CEP85L: variants seen among roughly 807,000 people sequenced by gnomAD.
CEP85L encodes the protein centrosomal protein of 85 kDa-like.
In CEP85L, 60 loss-of-function variants were observed where a neutral mutation model predicts 100.3. That is an observed-to-expected ratio of 0.60 (90% CI 0.49 to 0.74). The LOEUF is 0.74. Among genes scored for constraint, CEP85L ranks in the 30% least tolerant of loss-of-function variants. CEP85L has a pLI of 0.00. For missense variants in CEP85L, 973 were observed against 936.2 expected (o/e 1.04, Z -0.51); for synonymous variants, 319 against 322.7 (o/e 0.99, Z 0.12).
rs1360705328 is a variant in CEP85L, at chr6:118,463,594, T to C, written c.*1811A>G. On this transcript the variant is annotated 3_prime_UTR_variant, in exon 13 of 13. Coordinates refer to ENST00000368491, the MANE Select transcript of CEP85L (RefSeq NM_001042475.3). ...AATGTTAAAAACCAAGTGAATATAA[T>C]TAGAAAGCCAAGTTCTTACCAGTGA... 1 of 151,992 alleles carries C rather than the reference T, an allele frequency of 6.6e-6. No homozygotes were observed. Among genetic ancestry groups the C allele is most frequent in the Admixed American group, 6.6e-5 (1 of 15,250 alleles). 9.4% of individuals were successfully genotyped at this position (151,992 alleles called of 1,614,324 possible).
chr6:118,569,104 G>T (rs1779718341), intron 2 of CEP85L, among the ~76,000 whole-genome samples: 1 of 151,842 alleles, frequency 6.6e-6, no homozygotes. Context: ...AATTTGGGAG[G>T]CCAAGGCAGG....
chr6:118,663,544 A>C (rs1776039050), intron 1 of CEP85L, among the ~76,000 whole-genome samples: 1 of 152,228 alleles, frequency 6.6e-6, no homozygotes, highest in African/African-American at 2.4e-5. Context: ...ATAATCATAG[A>C]AAAAGATTTA....
chr6:118,488,494 A>G (rs1196791655), intron 6 of CEP85L, among the ~76,000 whole-genome samples: 1 of 152,112 alleles, frequency 6.6e-6, no homozygotes, highest in Non-Finnish European at 1.5e-5. Flanking sequence ...CAGAGTAACA[A>G]AAAGAACAAG....
chr6:118,535,881 AATTT>A (rs1417806059), intron 3 of CEP85L, among the ~76,000 whole-genome samples: 2 of 152,138 alleles, frequency 1.3e-5, no homozygotes, highest in Non-Finnish European at 2.9e-5. Flanking sequence ...TTATAGATTT[AATTT>A]ATTAAAGGAC....
At chr6:118,538,414 A>AT (rs1777723892) in intron 3 of CEP85L, among the ~76,000 whole-genome samples, 1 of 151,962 alleles carries the variant, frequency 6.6e-6, no homozygotes, top group Non-Finnish European at 1.5e-5. Flanking sequence ...TATATATATA[A>AT]AAAACATCTT....
intron 2 of CEP85L, among the ~76,000 whole-genome samples, chr6:118,602,152 T>C (rs1781820390): frequency 6.6e-6 from 1 of 152,172 alleles, no homozygotes; most frequent in Non-Finnish European, 1.5e-5. Flanking sequence ...GGCAATGATA[T>C]TCCTGCCTAA....
chr6:118,530,597 T>C (rs1227745351), intron 3 of CEP85L, among the ~76,000 whole-genome samples: 1 of 152,170 alleles, frequency 6.6e-6, no homozygotes, highest in East Asian at 1.9e-4. Flanking sequence ...TTGCAGACTT[T>C]ATGATTCTAT....
At chr6:118,708,740 T>C (rs917706370) in intron 1 of CEP85L, among the ~76,000 whole-genome samples, 10 of 152,176 alleles carry the variant, frequency 6.6e-5, no homozygotes, top group Non-Finnish European at 1.5e-4. Context: ...CTATTTAAGA[T>C]TTTTCCTTGA....
intron 3 of CEP85L, among the ~76,000 whole-genome samples, chr6:118,553,670 A>G (rs1039405797): frequency 6.6e-6 from 1 of 152,238 alleles, no homozygotes; most frequent in Non-Finnish European, 1.5e-5. Flanking sequence ...ATTTGTTTCC[A>G]GAAACAAACT....
At chr6:118,508,626 A>T (rs1775795367) in intron 5 of CEP85L, among the ~76,000 whole-genome samples, 1 of 152,120 alleles carries the variant, frequency 6.6e-6, no homozygotes, top group Non-Finnish European at 1.5e-5. Context: ...AGGTTAGTCA[A>T]ATTTTTAATA....
In CEP85L at chr6:118,483,924, C is replaced by T. The variant is rs547643195; in HGVS notation, c.1438-66G>A. 42 of 1,427,294 alleles carry T rather than the reference C, an allele frequency of 2.9e-5. No homozygotes were observed. The African/African-American group carries it at 4.8e-4, about 16-fold the overall frequency. The allele number at this position is 1,427,294 out of a possible 1,614,324, so 88.4% of individuals were successfully genotyped here. ...ATTAAAAGATATAACAAAACCAACA[C>T]TTTAATATTAGACACCATTGAATTC... On this transcript the variant is annotated intron_variant, in intron 6 of 12. Coordinates refer to ENST00000368491, the MANE Select transcript of CEP85L (RefSeq NM_001042475.3).
chr6:118,619,040 G>A (rs749910031), intron 2 of CEP85L, among the ~76,000 whole-genome samples: 5 of 151,586 alleles, frequency 3.3e-5, no homozygotes, highest in Non-Finnish European at 7.3e-5. Context: ...GTAAATGGAA[G>A]GCTCAAGGAC....
chr6:118,504,123 C>G (rs1382582779), intron 5 of CEP85L, among the ~76,000 whole-genome samples: 3 of 152,164 alleles, frequency 2.0e-5, no homozygotes, highest in African/African-American at 7.2e-5. Flanking sequence ...CTTCTAATCA[C>G]AGCACTTTGG....
rs138141089 is a variant in CEP85L, at chr6:118,497,438, G to A, written c.1258-5573C>T. 2.5e-3 allele frequency among the ~76,000 whole-genome samples: 381 copies of A among 152,132 alleles called. 1 individual carries two copies. The highest frequency in any genetic ancestry group is 8.8e-3 in the African/African-American group (364 of 41,498). ...CGTCTAGTTGTGGAAAACAAGCTCC[G>A]GGCTCCCACTGATTCTACATTATGG... On this transcript the variant is annotated intron_variant, in intron 5 of 12. Transcript: ENST00000368491.
At chr6:118,658,200 T>C (rs1775862620) in intron 1 of CEP85L, among the ~76,000 whole-genome samples, 2 of 152,182 alleles carry the variant, frequency 1.3e-5, no homozygotes, top group East Asian at 3.8e-4. Context: ...TTCAGGTTTA[T>C]GGGAGAACTA....
chr6:118,533,481 A>G (rs182754962), intron 3 of CEP85L, among the ~76,000 whole-genome samples: 1 of 17,606 alleles, frequency 5.7e-5, no homozygotes, highest in Non-Finnish European at 1.9e-4. Context: ...AAAAGCTCCC[A>G]AAAAAATCTC....
intron 5 of CEP85L, among the ~76,000 whole-genome samples, chr6:118,494,195 T>C (rs1207364720): frequency 6.6e-6 from 1 of 152,080 alleles, no homozygotes; most frequent in Non-Finnish European, 1.5e-5. Context: ...AGTAGATAAA[T>C]CTGAGAGTTA....
intron 1 of CEP85L, among the ~76,000 whole-genome samples, chr6:118,678,800 CAGGTGCCTGCAGTCCCAGCTACTTGGG>C (rs762885930): frequency 6.6e-6 from 1 of 152,186 alleles, no homozygotes; most frequent in Non-Finnish European, 1.5e-5. Flanking sequence ...GGCATGGTGG[CAGGTGCCTGCAGTCCCAGCTACTTGGG>C]AGGCTGAGCC....
intron 11 of CEP85L, among the ~76,000 whole-genome samples, chr6:118,469,823 A>G (rs1772810003): frequency 2.0e-5 from 3 of 152,250 alleles, no homozygotes; most frequent in South Asian, 4.1e-4. Context: ...GCTGGTCTCA[A>G]ACTCCTGGGG....
Sources: gnomAD v4.1 joint callset for allele counts (sites outside exome capture counted in the v4.1 genomes callset) on GRCh38, gnomAD v4.1.1 for gene constraint, MANE v1.5 for transcripts, NCBI Gene and HGNC (gene_info 2026-07-23, HGNC 2026-07-21) for gene names.